EPB41L5: variants seen among roughly 807,000 people sequenced by gnomAD.
EPB41L5 encodes the protein erythrocyte membrane protein band 4.1 like 5.
Under a neutral mutation model 106.6 loss-of-function variants are expected in EPB41L5, and 55 were observed. The ratio of observed to expected loss-of-function variants is 0.52; its 90% CI spans 0.42 to 0.65. The LOEUF is 0.65. Ranked by LOEUF, EPB41L5 falls within the 30% of genes least tolerant of loss-of-function variation. EPB41L5 has a pLI of 0.00. For synonymous variants in EPB41L5, 297 were observed against 306.7 expected (o/e 0.97, Z 0.33); for missense variants, 871 against 882.1 (o/e 0.99, Z 0.16).
chr2:120,076,684 A>G (rs575537820), intron 7 of EPB41L5, among the ~76,000 whole-genome samples: 1 of 152,066 alleles, frequency 6.6e-6, no homozygotes, highest in Non-Finnish European at 1.5e-5. Context: ...GGTCAGAGGT[A>G]TTTCTTTATG....
At chr2:120,095,341 A>T (rs1457248325) in intron 14 of EPB41L5, among the ~76,000 whole-genome samples, 1 of 152,100 alleles carries the variant, frequency 6.6e-6, no homozygotes, top group Non-Finnish European at 1.5e-5. Flanking sequence ...CTTTTCCATG[A>T]TATAACCTTT....
intron 2 of EPB41L5, among the ~76,000 whole-genome samples, chr2:120,023,025 G>C (rs543239474): frequency 1.1e-4 from 17 of 152,076 alleles, no homozygotes; most frequent in Non-Finnish European, 2.4e-4. Context: ...TTTTGATGGG[G>C]TTGTTTGTTT....
intron 18 of EPB41L5, among the ~76,000 whole-genome samples, chr2:120,136,184 A>G (rs1685917318): frequency 6.7e-6 from 1 of 148,282 alleles, no homozygotes; most frequent in East Asian, 1.9e-4. Flanking sequence ...CAGTGTTGTC[A>G]TCAGTTTAAA....
At chr2:120,137,537 GC>G (rs1685979531) in intron 18 of EPB41L5, among the ~76,000 whole-genome samples, 1 of 151,844 alleles carries the variant, frequency 6.6e-6, no homozygotes, top group African/African-American at 2.4e-5. Flanking sequence ...AACTGATACT[GC>G]AAAAATCAAA....
chr2:120,164,236 G>A (rs575991627), intron 21 of EPB41L5, among the ~76,000 whole-genome samples: 1 of 151,962 alleles, frequency 6.6e-6, no homozygotes, highest in African/African-American at 2.4e-5. Context: ...TTGTTTTGAG[G>A]CAGAATCTCA....
rs1470786611 is a variant in EPB41L5, at chr2:120,177,701, G to A, written c.*2794G>A. 6.6e-6 allele frequency: 1 copy of A among 152,096 alleles called. No homozygotes were observed. Among genetic ancestry groups the A allele is most frequent in the Non-Finnish European group, 1.5e-5 (1 of 68,002 alleles). The allele number at this position is 152,096 out of a possible 1,614,324, so 9.4% of individuals were successfully genotyped here. The stretch of plus-strand genomic sequence containing the variant: ...AGAGGAATGATTCTGTTCCTTGTGT[G>A]CTTACTTCCTTAACATTTATACATT... On this transcript the variant is annotated 3_prime_UTR_variant, in exon 25 of 25. Transcript: ENST00000263713.
At chr2:120,110,582 C>T (rs1684677922) in intron 16 of EPB41L5, among the ~76,000 whole-genome samples, 1 of 151,290 alleles carries the variant, frequency 6.6e-6, no homozygotes, top group South Asian at 2.1e-4. Context: ...GCTTACAGAA[C>T]AGTTTCAGGG....
intron 7 of EPB41L5, 136 bp downstream of exon 7, chr2:120,075,889 T>C: frequency 4.3e-6 from 3 of 702,806 alleles, no homozygotes; most frequent in Non-Finnish European, 7.3e-6. Context: ...AGGGTCCAAC[T>C]CTGACTTTTA....
At chr2:120,130,491 A>G (rs1295929968) in intron 17 of EPB41L5, among the ~76,000 whole-genome samples, 1 of 152,234 alleles carries the variant, frequency 6.6e-6, no homozygotes, top group Non-Finnish European at 1.5e-5. Context: ...CTTGGACAAA[A>G]TAGTATAGCA....
chr2:120,128,375 CTT>C (rs1284919723), intron 17 of EPB41L5, among the ~76,000 whole-genome samples: 1 of 151,800 alleles, frequency 6.6e-6, no homozygotes, highest in Non-Finnish European at 1.5e-5. Flanking sequence ...GAAAGCATAA[CTT>C]GTTTATAAAC....
chr2:120,171,766 A>C (rs963566417), intron 24 of EPB41L5, among the ~76,000 whole-genome samples: 1 of 152,226 alleles, frequency 6.6e-6, no homozygotes, highest in African/African-American at 2.4e-5. Flanking sequence ...GCCCATATAT[A>C]CACAGGTCCC....
intron 3 of EPB41L5, among the ~76,000 whole-genome samples, chr2:120,047,323 C>T (rs2105230340): frequency 6.6e-6 from 1 of 152,080 alleles, no homozygotes; most frequent in South Asian, 2.1e-4. Flanking sequence ...TGTTTGTGTC[C>T]TCTTTTATTT....
At chr2:120,086,813 G>A (rs1006543525) in intron 10 of EPB41L5, among the ~76,000 whole-genome samples, 1 of 152,104 alleles carries the variant, frequency 6.6e-6, no homozygotes, top group Admixed American at 6.6e-5. Context: ...CTTTATGGTC[G>A]TTCCTATGTC....
chr2:120,028,021 C>T (rs1006479698), intron 2 of EPB41L5, among the ~76,000 whole-genome samples: 1 of 152,010 alleles, frequency 6.6e-6, no homozygotes, highest in Non-Finnish European at 1.5e-5. Context: ...CACCACCACA[C>T]CCAGCTAATT....
At chr2:120,059,631 A>G (rs1680892131) in intron 3 of EPB41L5, among the ~76,000 whole-genome samples, 1 of 152,202 alleles carries the variant, frequency 6.6e-6, no homozygotes, top group Non-Finnish European at 1.5e-5. Context: ...AGCTGGGCGC[A>G]GTGGCTCACG....
At chr2:120,027,619 G>A (rs958497393) in intron 2 of EPB41L5, among the ~76,000 whole-genome samples, 4 of 152,118 alleles carry the variant, frequency 2.6e-5, no homozygotes, top group South Asian at 2.1e-4. Context: ...TGTCCAGGCT[G>A]GATTTGAACT....
chr2:120,098,237 T>A (rs1683898895), intron 14 of EPB41L5, among the ~76,000 whole-genome samples: 1 of 151,016 alleles, frequency 6.6e-6, no homozygotes, highest in African/African-American at 2.4e-5. Context: ...TGAGACAGGG[T>A]CTTGCCCTGT....
intron 10 of EPB41L5, among the ~76,000 whole-genome samples, chr2:120,086,302 A>T (rs1360084786): frequency 2.0e-5 from 3 of 152,186 alleles, no homozygotes; most frequent in Admixed American, 1.3e-4. Context: ...AGATTAGTCA[A>T]TCGGAGTGTC....
chr2:120,061,946 G>C (rs959458218), intron 3 of EPB41L5, among the ~76,000 whole-genome samples: 7 of 152,248 alleles, frequency 4.6e-5, no homozygotes, highest in Non-Finnish European at 1.0e-4. Context: ...GTGGAGAATA[G>C]AGCTGGTAGT....
Sources: gnomAD v4.1 joint callset for allele counts (sites outside exome capture counted in the v4.1 genomes callset) on GRCh38, gnomAD v4.1.1 for gene constraint, MANE v1.5 for transcripts, NCBI Gene and HGNC (gene_info 2026-07-23, HGNC 2026-07-21) for gene names.